ZPBP: variants seen among roughly 807,000 people sequenced by gnomAD.
ZPBP encodes zona pellucida binding protein.
Under a neutral mutation model 44.8 loss-of-function variants are expected in ZPBP, and 26 were observed. The ratio of observed to expected loss-of-function variants is 0.58; its 90% CI spans 0.43 to 0.81. The LOEUF is 0.81. Ranked by LOEUF, ZPBP falls within the 30% of genes least tolerant of loss-of-function variation. The pLI is 0.00. For missense variants in ZPBP, 409 were observed against 434.0 expected (o/e 0.94, Z 0.51); for synonymous variants, 174 against 153.2 (o/e 1.14, Z -1.00).
intron 3 of ZPBP, among the ~76,000 whole-genome samples, chr7:50,065,519 C>T (rs1801461993): frequency 6.6e-6 from 1 of 150,950 alleles, no homozygotes; most frequent in South Asian, 2.1e-4. Flanking sequence ...TCAGGCGATA[C>T]AGTACTTTTC....
intron 4 of ZPBP, among the ~76,000 whole-genome samples, chr7:50,039,180 A>G (rs1263000342): frequency 6.6e-6 from 1 of 152,212 alleles, no homozygotes; most frequent in East Asian, 1.9e-4. Flanking sequence ...GGAAACCAAA[A>G]TTGAAGAAGA....
chr7:50,002,945 A>C (rs1001380813), intron 6 of ZPBP, among the ~76,000 whole-genome samples: 2 of 152,180 alleles, frequency 1.3e-5, no homozygotes, highest in African/African-American at 2.4e-5. Context: ...AAAAATCTAA[A>C]ACTAAGGGTA....
chr7:49,866,833 C>T (rs1790912474), intron 2 of ZPBP, among the ~76,000 whole-genome samples: 2 of 152,192 alleles, frequency 1.3e-5, no homozygotes, highest in South Asian at 4.1e-4. Context: ...TCTACATTTG[C>T]TTCCTTTCAA....
chr7:49,928,560 C>T (rs2128749572), intron 1 of ZPBP, among the ~76,000 whole-genome samples: 1 of 152,328 alleles, frequency 6.6e-6, no homozygotes, highest in Middle Eastern at 3.4e-3. Flanking sequence ...CTATGTACAG[C>T]ACTCTATAAC....
chr7:49,855,820 G>A (rs763645474), intron 2 of ZPBP, among the ~76,000 whole-genome samples: 5 of 152,274 alleles, frequency 3.3e-5, no homozygotes, highest in South Asian at 2.1e-4. Context: ...GGTGGCTGAC[G>A]GTGCACGTTA....
At chr7:50,042,943 T>C (rs949971524) in intron 4 of ZPBP, among the ~76,000 whole-genome samples, 1 of 152,128 alleles carries the variant, frequency 6.6e-6, no homozygotes, top group African/African-American at 2.4e-5. Context: ...GCCCCAAAAC[T>C]GGCCATAAAC....
At chr7:49,967,605 G>A (rs144115649) in intron 7 of ZPBP, among the ~76,000 whole-genome samples, 2,785 of 152,232 alleles carry the variant, frequency 0.018, 36 homozygotes, top group Middle Eastern at 0.034. Context: ...GAAGGGCAAT[G>A]GTGTGATCTT....
At chr7:49,940,762 A>C (rs1794843550) in intron 7 of ZPBP, 1 of 985,164 alleles carries the variant, frequency 1.0e-6, no homozygotes. Context: ...ATTCCATCCT[A>C]CACAACTGAG....
chr7:50,060,704 C>A (rs114304941), intron 3 of ZPBP, among the ~76,000 whole-genome samples: 1 of 152,090 alleles, frequency 6.6e-6, no homozygotes, highest in East Asian at 1.9e-4. Context: ...CTGGACTAGA[C>A]AGATTCACAG....
chr7:49,981,616 AT>A (rs1263641032), intron 7 of ZPBP, among the ~76,000 whole-genome samples: 765 of 18,922 alleles, frequency 0.04, 63 homozygotes, highest in African/African-American at 0.093. Flanking sequence ...ATATAATTAT[AT>A]TATATTATAT....
At chr7:49,987,032 A>T (rs959288854) in intron 6 of ZPBP, among the ~76,000 whole-genome samples, 2 of 152,146 alleles carry the variant, frequency 1.3e-5, no homozygotes, top group Admixed American at 1.3e-4. Context: ...CCTGGGTTCA[A>T]TCTTGGCTTA....
intron 7 of ZPBP, chr7:49,943,505 G>T: frequency 2.4e-6 from 1 of 424,870 alleles, no homozygotes; most frequent in Non-Finnish European, 4.6e-6. Flanking sequence ...ACACTCATCT[G>T]TTTCTTGTCA....
chr7:50,018,789 C>T (rs982335704), intron 5 of ZPBP, among the ~76,000 whole-genome samples: 1 of 151,748 alleles, frequency 6.6e-6, no homozygotes. Flanking sequence ...TAGTAGGGGC[C>T]ATGGTAACTA....
rs542596350 is a variant in ZPBP, at chr7:49,901,602, C to A, written n.412-387G>T. Among the ~76,000 whole-genome samples, 7 of 151,744 alleles carry A rather than the reference C, an allele frequency of 4.6e-5. No homozygotes were observed. In the East Asian group the frequency reaches 1.2e-3, roughly 25 times the overall value. On this transcript the variant is annotated intron_variant and non_coding_transcript_variant, in intron 1 of 2. Transcript: ENST00000465922. ...TTTCAAGTTCATGGATAGAAAGACTCAACATTATCAAGATCTATTGTTGAG... is the reference window on the plus strand; with the variant it reads ...TTTCAAGTTCATGGATAGAAAGACTAAACATTATCAAGATCTATTGTTGAG...
At chr7:49,946,528 C>CT (rs1259066887) in intron 7 of ZPBP, among the ~76,000 whole-genome samples, 1 of 152,024 alleles carries the variant, frequency 6.6e-6, no homozygotes, top group African/African-American at 2.4e-5. Flanking sequence ...ATACCACTCT[C>CT]TCCTGGCCTA....
At chr7:49,875,218 A>C (rs1791350125) in intron 2 of ZPBP, among the ~76,000 whole-genome samples, 1 of 151,506 alleles carries the variant, frequency 6.6e-6, no homozygotes, top group Non-Finnish European at 1.5e-5. Flanking sequence ...AAAAATACAA[A>C]AATTAGCTGG....
intron 3 of ZPBP, among the ~76,000 whole-genome samples, chr7:50,065,061 C>T (rs545863497): frequency 3.9e-5 from 6 of 152,348 alleles, no homozygotes; most frequent in Non-Finnish European, 7.3e-5. Flanking sequence ...ATGGCTTCAG[C>T]CGGTCCCTCC....
At chr7:49,924,913 C>A (rs1335164396) in intron 1 of ZPBP, among the ~76,000 whole-genome samples, 3 of 152,148 alleles carry the variant, frequency 2.0e-5, no homozygotes, top group East Asian at 3.9e-4. Context: ...CAGGCACCGA[C>A]CATAAACACT....
chr7:49,855,554 A>G (rs1328046541), intron 2 of ZPBP, among the ~76,000 whole-genome samples: 1 of 152,212 alleles, frequency 6.6e-6, no homozygotes, highest in Non-Finnish European at 1.5e-5. Flanking sequence ...CCAGGGACAG[A>G]GAGGAGGAAG....
Sources: allele counts gnomAD v4.1 joint callset (sites outside exome capture counted in the v4.1 genomes callset), GRCh38; gene constraint gnomAD v4.1.1; transcripts MANE v1.5; gene names NCBI Gene and HGNC (gene_info 2026-07-23, HGNC 2026-07-21).